CHRM3: variants seen among roughly 807,000 people sequenced by gnomAD.
CHRM3 encodes the protein muscarinic acetylcholine receptor M3.
A neutral mutation model predicts 41.8 loss-of-function variants in CHRM3; 11 were observed. That is an observed-to-expected ratio of 0.26 (90% confidence interval 0.17 to 0.44). The LOEUF is 0.44. CHRM3 is among the 20% of genes least tolerant of loss of function. The pLI, the probability that CHRM3 is intolerant of heterozygous loss-of-function variation, is 1.00. For missense variants in CHRM3, 571 were observed against 745.4 expected, an observed-to-expected ratio of 0.77 and a Z score of 2.72; for synonymous variants, 297 against 301.4, an observed-to-expected ratio of 0.99 and a Z score of 0.15.
chr1:239,640,509 G>A (rs528547502), intron 4 of CHRM3, among the ~76,000 whole-genome samples: 139 of 152,200 alleles, frequency 9.1e-4, no homozygotes, highest in African/African-American at 3.1e-3. Flanking sequence ...TGTATGTGTC[G>A]AGGAATTTAT....
rs1034211753 is a variant in CHRM3, at chr1:239,910,819, G to T, written c.*1595G>T. On this transcript the variant is annotated 3_prime_UTR_variant, in exon 7 of 7. Coordinates refer to ENST00000676153, the MANE Select transcript of CHRM3 (RefSeq NM_001375978.1). ...CATTCGTGTTGTGAACCCAGAGCTG[G>T]GTAGAAGCTGCTTTTGTATTCAGTG... 6.0e-6 allele frequency: 1 copy of T among 166,926 alleles called. No homozygotes were observed. Among genetic ancestry groups the T allele is most frequent in the Non-Finnish European group, 1.5e-5 (1 of 68,126 alleles). The allele number at this position is 166,926 out of a possible 1,614,324, so 10.3% of individuals were successfully genotyped here. A position where few individuals can be genotyped will look rare whatever the true frequency, so the allele number is the denominator to read the frequency against.
chr1:239,467,767 C>A (rs1333002967), intron 1 of CHRM3, among the ~76,000 whole-genome samples: 1 of 152,104 alleles, frequency 6.6e-6, no homozygotes, highest in African/African-American at 2.4e-5. Context: ...TAATTTGAAT[C>A]TTGGGATAAA....
At chr1:239,699,664 T>C (rs1009458124) in intron 5 of CHRM3, among the ~76,000 whole-genome samples, 10 of 152,210 alleles carry the variant, frequency 6.6e-5, no homozygotes, top group African/African-American at 2.4e-4. Context: ...AAAATTAGGA[T>C]GTATGTCTTC....
intron 6 of CHRM3, among the ~76,000 whole-genome samples, chr1:239,870,629 A>C (rs1192127806): frequency 1.3e-5 from 2 of 152,160 alleles, no homozygotes; most frequent in African/African-American, 2.4e-5. Context: ...TGTTCTGTGA[A>C]GGAAACAAAA....
intron 3 of CHRM3, chr1:239,629,474 C>A (rs958723965): frequency 6.5e-6 from 1 of 154,282 alleles, no homozygotes; most frequent in African/African-American, 2.4e-5. Flanking sequence ...GCGTCGCTCA[C>A]GCTGGGAGCT....
chr1:239,808,236 T>G (rs1670818983), intron 5 of CHRM3, among the ~76,000 whole-genome samples: 1 of 152,170 alleles, frequency 6.6e-6, no homozygotes, highest in African/African-American at 2.4e-5. Context: ...AAGTCAGATG[T>G]GCAGAAAGGA....
At chr1:239,445,590 CT>C (rs1558229773) in intron 1 of CHRM3, among the ~76,000 whole-genome samples, 1 of 152,044 alleles carries the variant, frequency 6.6e-6, no homozygotes, top group African/African-American at 2.4e-5. Context: ...GAAAAGGAGA[CT>C]TTAGAAGGTG....
intron 1 of CHRM3, among the ~76,000 whole-genome samples, chr1:239,411,801 G>A (rs902987079): frequency 1.5e-5 from 2 of 136,034 alleles, no homozygotes; most frequent in African/African-American, 2.7e-5. Context: ...TTAATTTTAT[G>A]TCATTTGGAA....
At position 239,707,015 on chromosome 1, in the gene CHRM3, G is replaced by A. The variant is rs1224985867; in HGVS notation, c.-147+28727G>A. On this transcript the variant is annotated intron_variant, in intron 5 of 6. Transcript: ENST00000676153. Reference sequence around the variant, plus strand: ...AAAACAAAGGCAATGTATGGTAGTAGAAGGAACATAGACTTTGGAGTCTGG... The same window carrying A: ...AAAACAAAGGCAATGTATGGTAGTAAAAGGAACATAGACTTTGGAGTCTGG... 22 of 152,198 alleles carry A rather than the reference G, an allele frequency of 1.4e-4. 1 individual carries two copies. Among genetic ancestry groups the A allele is most frequent in the Non-Finnish European group, 3.2e-4 (22 of 68,040 alleles). The allele number at this position is 152,198 out of a possible 1,614,324, so 9.4% of individuals were successfully genotyped here.
At chr1:239,440,876 C>T (rs1230039737) in intron 1 of CHRM3, among the ~76,000 whole-genome samples, 3 of 152,074 alleles carry the variant, frequency 2.0e-5, no homozygotes. Flanking sequence ...GCCTAAATGT[C>T]TCCATAGTTA....
intron 2 of CHRM3, among the ~76,000 whole-genome samples, chr1:239,498,996 G>T (rs1015045190): frequency 1.3e-5 from 2 of 152,218 alleles, no homozygotes; most frequent in South Asian, 4.2e-4. Flanking sequence ...TTGCAGTCAG[G>T]AACCTTAATT....
chr1:239,779,752 A>G (rs1440518095), intron 5 of CHRM3, among the ~76,000 whole-genome samples: 3 of 152,178 alleles, frequency 2.0e-5, no homozygotes, highest in Non-Finnish European at 4.4e-5. Context: ...GAAAAAAAGA[A>G]TAGTGTCACC....
intron 5 of CHRM3, among the ~76,000 whole-genome samples, chr1:239,750,517 T>C (rs1665721554): frequency 6.6e-6 from 1 of 152,236 alleles, no homozygotes; most frequent in Non-Finnish European, 1.5e-5. Flanking sequence ...AGCCTAAAGC[T>C]GCCTCCTCAC....
At chr1:239,418,866 A>C (rs1276783795) in intron 1 of CHRM3, among the ~76,000 whole-genome samples, 1 of 152,216 alleles carries the variant, frequency 6.6e-6, no homozygotes, top group East Asian at 1.9e-4. Flanking sequence ...CTAATGCAGC[A>C]GCAGATGGCA....
At chr1:239,521,773 C>T (rs189739666) in intron 2 of CHRM3, among the ~76,000 whole-genome samples, 36 of 152,106 alleles carry the variant, frequency 2.4e-4, no homozygotes, top group South Asian at 1.2e-3. Context: ...AACAAAATAA[C>T]GTACAACAAT....
chr1:239,806,048 C>G (rs1384057412), intron 5 of CHRM3, among the ~76,000 whole-genome samples: 1 of 152,168 alleles, frequency 6.6e-6, no homozygotes, highest in Non-Finnish European at 1.5e-5. Context: ...GGGAACCCAG[C>G]CGGCTCAGAC....
rs1019531495 is a variant in CHRM3, at chr1:239,914,039, G to C, written c.*4815G>C. 60 of 167,038 alleles carry C rather than the reference G, an allele frequency of 3.6e-4. No individual in the cohort carries two copies. The highest frequency in any genetic ancestry group is 1.3e-3 in the African/African-American group (55 of 41,518). The allele number at this position is 167,038 out of a possible 1,614,324, so 10.3% of individuals were successfully genotyped here. The stretch of plus-strand genomic sequence containing the variant: ...AGTTGCATTCTATTTAAAAGATAAA[G>C]GGGCCATACTCTCCACTGCAAAGAA... On this transcript the variant is annotated 3_prime_UTR_variant, in exon 7 of 7. Coordinates refer to ENST00000676153, the MANE Select transcript of CHRM3 (RefSeq NM_001375978.1).
chr1:239,692,141 G>A (rs1659780302), intron 5 of CHRM3, among the ~76,000 whole-genome samples: 1 of 152,156 alleles, frequency 6.6e-6, no homozygotes, highest in South Asian at 2.1e-4. Flanking sequence ...ATAGTAACAG[G>A]CTGGTATCAG....
chr1:239,395,474 T>C (rs551728025), intron 1 of CHRM3, among the ~76,000 whole-genome samples: 37 of 152,170 alleles, frequency 2.4e-4, no homozygotes, highest in Non-Finnish European at 4.0e-4. Flanking sequence ...CCTCACCTCC[T>C]ACATTTAGCC....
Sources: allele counts gnomAD v4.1 joint callset (sites outside exome capture counted in the v4.1 genomes callset), GRCh38; gene constraint gnomAD v4.1.1; transcripts MANE v1.5; gene names NCBI Gene and HGNC (gene_info 2026-07-23, HGNC 2026-07-21).